The following HEMK2 variants were observed in gnomAD, a reference collection of about 807,000 sequenced individuals.
The protein encoded by HEMK2 is HemK methyltransferase 2, ETF1 glutamine and histone H4 lysine, also known as methyltransferase HEMK2.
chr21:28,578,874 C>A, the HEMK2 span, among the ~76,000 whole-genome samples: 1 of 152,138 alleles, frequency 6.6e-6, no homozygotes, highest in African/African-American at 2.4e-5. Flanking sequence ...TAAGTATGTG[C>A]AACGGCTCAC....
the HEMK2 span, among the ~76,000 whole-genome samples, chr21:28,841,099 T>TA: frequency 4.5e-5 from 2 of 44,246 alleles, no homozygotes; most frequent in South Asian, 1.0e-3. Context: ...ATATATTATA[T>TA]ATTATATAAT....
the HEMK2 span, among the ~76,000 whole-genome samples, chr21:28,879,653 T>C: frequency 6.6e-6 from 1 of 152,240 alleles, no homozygotes; most frequent in African/African-American, 2.4e-5. Context: ...GATATGAATG[T>C]GATTTTTAGG....
chr21:28,658,464 C>T, the HEMK2 span, among the ~76,000 whole-genome samples: 1 of 151,984 alleles, frequency 6.6e-6, no homozygotes, highest in East Asian at 1.9e-4. Flanking sequence ...AGCCTAGGTG[C>T]CCATTTTAAA....
the HEMK2 span, among the ~76,000 whole-genome samples, chr21:28,591,448 T>C: frequency 6.6e-6 from 1 of 152,170 alleles, no homozygotes; most frequent in South Asian, 2.1e-4. Context: ...ATTTTGCACG[T>C]CAAGTGAGAA....
the HEMK2 span, among the ~76,000 whole-genome samples, chr21:28,826,700 C>T: frequency 1.3e-5 from 2 of 152,164 alleles, no homozygotes; most frequent in East Asian, 3.8e-4. Flanking sequence ...AATCCGAAAG[C>T]AAACACTGAA....
chr21:28,739,588 T>C, the HEMK2 span, among the ~76,000 whole-genome samples: 1 of 152,158 alleles, frequency 6.6e-6, no homozygotes, highest in East Asian at 1.9e-4. Flanking sequence ...TGAGCAAAAA[T>C]TACTGTCCGG....
the HEMK2 span, among the ~76,000 whole-genome samples, chr21:28,700,618 C>T: frequency 6.6e-6 from 1 of 152,036 alleles, no homozygotes; most frequent in Non-Finnish European, 1.5e-5. Flanking sequence ...TCTCTGAACA[C>T]ACCAATGATG....
chr21:28,845,786 T>G, the HEMK2 span, among the ~76,000 whole-genome samples: 1 of 151,998 alleles, frequency 6.6e-6, no homozygotes, highest in Non-Finnish European at 1.5e-5. Flanking sequence ...CCAAATTCTC[T>G]TTTTTTTCTT....
the HEMK2 span, among the ~76,000 whole-genome samples, chr21:28,713,147 C>A: frequency 8.4e-3 from 1,275 of 152,110 alleles, 16 homozygotes; most frequent in African/African-American, 0.029. Context: ...ATGCTTAGCA[C>A]CTCCCTCTTC....
At chr21:28,687,128 C>T in the HEMK2 span, among the ~76,000 whole-genome samples, 1 of 152,214 alleles carries the variant, frequency 6.6e-6, no homozygotes, top group Non-Finnish European at 1.5e-5. Context: ...CTGAACTGTG[C>T]TGCCCTGCTA....
the HEMK2 span, among the ~76,000 whole-genome samples, chr21:28,749,071 T>C: frequency 6.6e-6 from 1 of 152,214 alleles, no homozygotes; most frequent in Admixed American, 6.5e-5. Context: ...GTGAGCTGCA[T>C]TCTGCTGTAC....
At chr21:28,812,357 T>C in the HEMK2 span, among the ~76,000 whole-genome samples, 13,502 of 152,140 alleles carry the variant, frequency 0.089, 886 homozygotes, top group East Asian at 0.3. Flanking sequence ...CATGAAGGGG[T>C]ATTGAATTTT....
the HEMK2 span, among the ~76,000 whole-genome samples, chr21:28,673,064 AGAG>A: frequency 2.6e-5 from 4 of 151,418 alleles, no homozygotes; most frequent in East Asian, 5.8e-4. Context: ...AAGAAAGAAA[AGAG>A]AAGAGAGAGA....
the HEMK2 span, among the ~76,000 whole-genome samples, chr21:28,861,780 G>A: frequency 6.6e-6 from 1 of 152,178 alleles, no homozygotes; most frequent in African/African-American, 2.4e-5. Context: ...CCAATATACG[G>A]TACTGTTTCT....
chr21:28,883,211 TA>T, the HEMK2 span: 8 of 497,014 alleles, frequency 1.6e-5, no homozygotes, highest in African/African-American at 1.6e-4. Context: ...TAGAAATTTA[TA>T]ATTTCTGACA....
At chr21:28,831,666 AGAAAGAAAGAAAGAAAGAAGGAAGGAAG>A in the HEMK2 span, among the ~76,000 whole-genome samples, 2 of 56,948 alleles carry the variant, frequency 3.5e-5, no homozygotes, top group East Asian at 5.5e-4. Context: ...AAAGAAAGAA[AGAAAGAAAGAAAGAAAGAAGGAAGGAAG>A]GAAGGAAGGA....
chr21:28,654,529 T>C, the HEMK2 span, among the ~76,000 whole-genome samples: 1 of 152,092 alleles, frequency 6.6e-6, no homozygotes, highest in Non-Finnish European at 1.5e-5. Flanking sequence ...AAGGAAAGCA[T>C]AAGAATTGTT....
At chr21:28,768,641 A>C in the HEMK2 span, among the ~76,000 whole-genome samples, 3 of 151,924 alleles carry the variant, frequency 2.0e-5, no homozygotes, top group Non-Finnish European at 4.4e-5. Context: ...TCTAGAGTAC[A>C]ACCAATGGAG....
chr21:28,651,151 G>A, the HEMK2 span, among the ~76,000 whole-genome samples: 11 of 152,282 alleles, frequency 7.2e-5, no homozygotes, highest in African/African-American at 1.4e-4. Context: ...TAGTCAAAGC[G>A]CATAGTTTTA....
Sources: gnomAD v4.1 joint callset for allele counts (sites outside exome capture counted in the v4.1 genomes callset) on GRCh38, gnomAD v4.1.1 for gene constraint, MANE v1.5 for transcripts, NCBI Gene and HGNC (gene_info 2026-07-23, HGNC 2026-07-21) for gene names.